AASS: variants seen among roughly 807,000 people sequenced by gnomAD.
AASS encodes the protein alpha-aminoadipic semialdehyde synthase, mitochondrial.
In AASS, 86 loss-of-function variants were observed where a neutral mutation model predicts 105.4. That is an observed-to-expected ratio of 0.82 (90% CI 0.69 to 0.98). The LOEUF is 0.98. Among genes scored for constraint, AASS ranks in the 50% least tolerant of loss-of-function variants. The pLI is 0.00. For synonymous variants in AASS, 381 were observed against 394.8 expected (o/e 0.96, Z 0.41); for missense variants, 1,048 against 1,143.2 (o/e 0.92, Z 1.20).
At position 122,075,205 on chromosome 7, in the gene AASS, C is replaced by T. The variant is rs563375812; in HGVS notation, c.*1284G>A. On this transcript the variant is annotated 3_prime_UTR_variant, in exon 24 of 24. Coordinates refer to ENST00000417368, the MANE Select transcript of AASS (RefSeq NM_005763.4). Reference sequence around the variant, plus strand: ...GAAAATTAAATTGTTTTCTTAACATCATTTTTGATTTATTCATTGATACTA... The same window carrying T: ...GAAAATTAAATTGTTTTCTTAACATTATTTTTGATTTATTCATTGATACTA... Among the ~76,000 whole-genome samples, 1 of 152,222 alleles carries T rather than the reference C, an allele frequency of 6.6e-6. No homozygotes were observed. Among genetic ancestry groups the T allele is most frequent in the African/African-American group, 2.4e-5 (1 of 41,536 alleles).
intron 2 of AASS, among the ~76,000 whole-genome samples, chr7:122,132,533 G>A (rs2150552724): frequency 6.6e-6 from 1 of 152,256 alleles, no homozygotes; most frequent in East Asian, 1.9e-4. Context: ...GGGTGATATA[G>A]ACTTTAACAA....
chr7:122,115,282 TGAAA>T, intron 8 of AASS, 60 bp from the exon 9 acceptor site: 4 of 1,576,718 alleles, frequency 2.5e-6, no homozygotes, highest in Non-Finnish European at 2.6e-6. Flanking sequence ...TACAGTATAC[TGAAA>T]GAAAGCTATC....
In AASS at chr7:122,081,706, T is replaced by A. The variant is rs1050372096; in HGVS notation, c.2185-111A>T. 9.2e-6 allele frequency: 7 copies of A among 763,206 alleles called. No homozygotes were observed. In the African/African-American group the frequency reaches 1.2e-4, roughly 13 times the overall value. The allele number at this position is 763,206 out of a possible 1,614,324, so 47.3% of individuals were successfully genotyped here. ...TTTGTAACTAATTTAGAAAACTGTT[T>A]ATATTGATGATATGAGTACTACAGC... is the stretch of plus-strand genomic sequence containing the variant. On this transcript the variant is annotated intron_variant, in intron 19 of 23. Transcript: ENST00000417368.
At chr7:122,115,265 A>AT in intron 8 of AASS, 43 bp from the exon 9 acceptor site, 1 of 1,606,088 alleles carries the variant, frequency 6.2e-7, no homozygotes, top group Non-Finnish European at 8.5e-7. Context: ...AAAATAGCCT[A>AT]TTTTAATACA....
At chr7:122,140,497 A>AAAAAAAAAAAAAAAAAAAAAAAT (rs1562999739) in intron 1 of AASS, among the ~76,000 whole-genome samples, 1 of 148,910 alleles carries the variant, frequency 6.7e-6, no homozygotes, top group African/African-American at 2.5e-5. Context: ...AAAAAAAAAA[A>AAAAAAAAAAAAAAAAAAAAAAAT]AAAAAAAAAA....
chr7:122,111,384 G>T (rs1794924101), intron 11 of AASS, among the ~76,000 whole-genome samples: 1 of 152,134 alleles, frequency 6.6e-6, no homozygotes, highest in Non-Finnish European at 1.5e-5. Context: ...GACATTTTCA[G>T]ATAAAGGACA....
chr7:122,121,998 T>C (rs1795461293), intron 4 of AASS, among the ~76,000 whole-genome samples: 1 of 152,194 alleles, frequency 6.6e-6, no homozygotes, highest in African/African-American at 2.4e-5. Context: ...TTGCTCCACT[T>C]TCTGCTAGCT....
chr7:122,081,602 C>G lies in AASS; in HGVS notation c.2185-7G>C. On this transcript the variant is annotated splice_region_variant and splice_polypyrimidine_tract_variant and intron_variant, in intron 19 of 23. Coordinates refer to ENST00000417368, the MANE Select transcript of AASS (RefSeq NM_005763.4). ...TCAAAGCTTTCATATATCCCTGAAA[C>G]AAGAATTAATAAGCAGTATATAAAA... The G allele has an allele frequency of 6.3e-7, 1 of 1,593,538 alleles. No homozygotes were observed. The highest frequency in any genetic ancestry group is 8.6e-7 in the Non-Finnish European group (1 of 1,161,456).
At chr7:122,078,568 G>C (rs1793148042) in intron 22 of AASS, among the ~76,000 whole-genome samples, 1 of 152,132 alleles carries the variant, frequency 6.6e-6, no homozygotes, top group Non-Finnish European at 1.5e-5. Flanking sequence ...CCGAGATGGA[G>C]CCACTGCACT....
chr7:122,128,675 C>T (rs1795766513), intron 3 of AASS, among the ~76,000 whole-genome samples: 1 of 152,194 alleles, frequency 6.6e-6, no homozygotes. Context: ...AGCATCAGCA[C>T]TGAATAGATA....
intron 8 of AASS, 54 bp downstream of exon 8, chr7:122,116,579 C>T (rs2150536892): frequency 6.2e-7 from 1 of 1,609,564 alleles, no homozygotes; most frequent in East Asian, 2.2e-5. Context: ...TTGAAAATAG[C>T]CTACCTACAC....
chr7:122,094,520 G>A (rs1794052678), intron 15 of AASS, among the ~76,000 whole-genome samples: 1 of 151,914 alleles, frequency 6.6e-6, no homozygotes, highest in African/African-American at 2.4e-5. Context: ...TGGTGGTACT[G>A]CAGACAGCTT....
chr7:122,081,784 C>A, intron 19 of AASS, 189 bp from the exon 20 acceptor site: 1 of 584,432 alleles, frequency 1.7e-6, no homozygotes, highest in East Asian at 2.9e-5. Flanking sequence ...AACCCCTCCC[C>A]ACAACCCACC....
At chr7:122,117,077 CA>C in intron 6 of AASS, 120 bp from the exon 7 acceptor site, 1 of 878,090 alleles carries the variant, frequency 1.1e-6, no homozygotes, top group South Asian at 1.4e-5. Context: ...TCCCTACAAC[CA>C]GGACTGCAAC....
intron 10 of AASS, 32 bp from the exon 11 acceptor site, chr7:122,113,261 A>G: frequency 6.4e-7 from 1 of 1,573,708 alleles, no homozygotes; most frequent in Non-Finnish European, 8.7e-7. Flanking sequence ...ATTCAGAAGC[A>G]CAAAACATTA....
intron 6 of AASS, among the ~76,000 whole-genome samples, chr7:122,118,045 G>A (rs1795267937): frequency 6.6e-6 from 1 of 152,020 alleles, no homozygotes; most frequent in Non-Finnish European, 1.5e-5. Context: ...CTATATGTGT[G>A]TATGTATGTG....
rs1792867060 is a variant in AASS at position 122,073,625 on chromosome 7, T to G, written c.*2864A>C. 6.6e-6 allele frequency among the ~76,000 whole-genome samples: 1 copy of G among 152,152 alleles called. No individual in the cohort carries two copies. The highest frequency in any genetic ancestry group is 1.5e-5 in the Non-Finnish European group (1 of 68,004). On this transcript the variant is annotated 3_prime_UTR_variant, in exon 24 of 24. Coordinates refer to ENST00000417368, the MANE Select transcript of AASS (RefSeq NM_005763.4). The stretch of plus-strand genomic sequence containing the variant: ...AGTTCAAACATTCAAAGTATACAAT[T>G]CAGTGGTTTTTAGTATATTCAGAGT...
At chr7:122,098,371 A>G in intron 15 of AASS, 79 bp downstream of exon 15, 3 of 1,535,164 alleles carry the variant, frequency 2.0e-6, no homozygotes, top group South Asian at 2.3e-5. Flanking sequence ...GTATGAAGAG[A>G]GGAGAAGTGA....
rs1160829799 is a variant in AASS at position 122,091,692 on chromosome 7, A to G, written c.2016+11T>C. The G allele has an allele frequency of 6.2e-7, 1 of 1,613,368 alleles. No individual in the cohort carries two copies. Among genetic ancestry groups the G allele is most frequent in the Non-Finnish European group, 8.5e-7 (1 of 1,179,574 alleles). Reference sequence around the variant, plus strand: ...AGGTTGATATCACTATGCTTGGATAAGATTCCTCACCTTTCCATCGAGCAG... The same window carrying G: ...AGGTTGATATCACTATGCTTGGATAGGATTCCTCACCTTTCCATCGAGCAG... On this transcript the variant is annotated intron_variant, in intron 18 of 23. Coordinates refer to ENST00000417368, the MANE Select transcript of AASS (RefSeq NM_005763.4).
Sources: allele counts gnomAD v4.1 joint callset (sites outside exome capture counted in the v4.1 genomes callset), GRCh38; gene constraint gnomAD v4.1.1; transcripts MANE v1.5; gene names NCBI Gene and HGNC (gene_info 2026-07-23, HGNC 2026-07-21).